The following DOCK1 variants were observed in gnomAD, a reference collection of about 807,000 sequenced individuals.
DOCK1 encodes the protein dedicator of cytokinesis 1.
A neutral mutation model predicts 262.7 loss-of-function variants in DOCK1; 138 were observed. The ratio of observed to expected loss-of-function variants is 0.53; its 90% CI spans 0.46 to 0.61. The LOEUF is 0.61. Ranked by LOEUF, DOCK1 falls within the 20% of genes least tolerant of loss-of-function variation. The pLI, the probability that DOCK1 is intolerant of heterozygous loss-of-function variation, is 0.00. For missense variants in DOCK1, 1,908 were observed against 2,370.7 expected (o/e 0.80, Z 4.05); for synonymous variants, 866 against 867.4 (o/e 1.00, Z 0.03).
At chr10:127,198,764 A>C (rs564743171) in intron 27 of DOCK1, among the ~76,000 whole-genome samples, 1 of 144,850 alleles carries the variant, frequency 6.9e-6, no homozygotes, top group South Asian at 2.3e-4. Flanking sequence ...TTTTTGAAGT[A>C]GGAAACCATT....
At chr10:127,000,386 T>C in intron 10 of DOCK1, 79 bp downstream of exon 10, 3 of 1,556,320 alleles carry the variant, frequency 1.9e-6, no homozygotes, top group South Asian at 1.2e-5. Context: ...TGAATGTTGA[T>C]TGGACAATGC....
At position 127,441,421 on chromosome 10, in the gene DOCK1, C is replaced by T. The variant is rs970461348; in HGVS notation, c.5259+2196C>T. ...GCATCTGGCCCAGTGTCAGCTTGAA[C>T]CTTCCAGCACCAGGAGGCGGAGAAT... On this transcript the variant is annotated intron_variant, in intron 49 of 51. Transcript: ENST00000623213. 2.6e-5 allele frequency among the ~76,000 whole-genome samples: 4 copies of T among 152,200 alleles called. No individual in the cohort carries two copies. In the East Asian group the frequency reaches 7.7e-4, roughly 29 times the overall value.
At chr10:127,248,783 G>A (rs1454174338) in intron 28 of DOCK1, among the ~76,000 whole-genome samples, 1 of 152,192 alleles carries the variant, frequency 6.6e-6, no homozygotes, top group African/African-American at 2.4e-5. Flanking sequence ...GTAAGGTCCT[G>A]TAGAACAGGG....
chr10:126,955,196 G>C (rs1308916807), intron 1 of DOCK1, among the ~76,000 whole-genome samples: 2 of 152,174 alleles, frequency 1.3e-5, no homozygotes, highest in African/African-American at 4.8e-5. Context: ...TGCATTCTCA[G>C]CTCACTGCAA....
rs367633839 is a variant in DOCK1, at chr10:127,354,631, C to G, written c.3225-38C>G. On this transcript the variant is annotated intron_variant, in intron 31 of 51. Transcript: ENST00000623213. ...TCCAGTCCGATTTTCAAATGCCTTC[C>G]GGAGTGATTCAGCGTTTTTCTTTTC... 73 of 1,612,418 alleles carry G rather than the reference C, an allele frequency of 4.5e-5. No homozygotes were observed. The South Asian group carries it at 5.9e-4, about 13-fold the overall frequency.
At chr10:127,382,741 C>G (rs752763720) in intron 37 of DOCK1, among the ~76,000 whole-genome samples, 1 of 152,236 alleles carries the variant, frequency 6.6e-6, no homozygotes, top group Non-Finnish European at 1.5e-5. Context: ...AAACTGCTCA[C>G]TCAACCCTTA....
intron 30 of DOCK1, among the ~76,000 whole-genome samples, chr10:127,339,910 C>T (rs1383756380): frequency 6.6e-6 from 1 of 152,216 alleles, no homozygotes; most frequent in East Asian, 1.9e-4. Context: ...CATGCAGATA[C>T]AAATGGCATG....
At chr10:127,187,379 C>T (rs1400297050) in intron 27 of DOCK1, among the ~76,000 whole-genome samples, 1 of 152,180 alleles carries the variant, frequency 6.6e-6, no homozygotes, top group South Asian at 2.1e-4. Flanking sequence ...AAATGATTCT[C>T]TGTGGACTTG....
At chr10:126,950,249 C>T (rs934516993) in intron 1 of DOCK1, among the ~76,000 whole-genome samples, 3 of 152,162 alleles carry the variant, frequency 2.0e-5, no homozygotes, top group Admixed American at 6.6e-5. Context: ...AATTCGAGTT[C>T]GCCACAGCTT....
At chr10:127,004,848 T>C (rs936966284) in intron 10 of DOCK1, among the ~76,000 whole-genome samples, 14 of 145,294 alleles carry the variant, frequency 9.6e-5, no homozygotes, top group Non-Finnish European at 1.9e-4. Context: ...ATCTCTACTT[T>C]AACCAAAATC....
intron 29 of DOCK1, among the ~76,000 whole-genome samples, chr10:127,283,770 A>T (rs1399116493): frequency 6.6e-6 from 1 of 152,182 alleles, no homozygotes. Flanking sequence ...ATAACTTGTC[A>T]GTACATTGTA....
chr10:126,959,959 G>A (rs938291294), intron 1 of DOCK1, among the ~76,000 whole-genome samples: 24 of 141,986 alleles, frequency 1.7e-4, no homozygotes, highest in Admixed American at 4.9e-4. Flanking sequence ...ACAGGCATGC[G>A]CCACCATGCC....
chr10:127,011,404 T>TC (rs2041431220), intron 11 of DOCK1, among the ~76,000 whole-genome samples: 1 of 152,220 alleles, frequency 6.6e-6, no homozygotes, highest in African/African-American at 2.4e-5. Flanking sequence ...AGTCTTCAGT[T>TC]CCCTCGAGTC....
chr10:127,003,203 A>T (rs1185016569), intron 10 of DOCK1, among the ~76,000 whole-genome samples: 4 of 122,414 alleles, frequency 3.3e-5, no homozygotes, highest in Non-Finnish European at 7.9e-5. Context: ...AACCTGCATG[A>T]ACCTGCGTGA....
chr10:127,332,172 TC>T (rs2063013173), intron 29 of DOCK1, among the ~76,000 whole-genome samples: 1 of 152,170 alleles, frequency 6.6e-6, no homozygotes, highest in Non-Finnish European at 1.5e-5. Flanking sequence ...CCCAGTAATC[TC>T]GGCTCATGGA....
Position 127,012,326 on chromosome 10 carries a change from G to C in DOCK1, c.1153G>C (p.Val385Leu), listed in dbSNP as rs2041520990. Residue 385 changes from valine (V) to leucine (L), a missense_variant, in exon 12 of 52, where the codon GTT (valine) becomes CTT (leucine). By Grantham distance (32) the Val-to-Leu change is conservative (BLOSUM62 1). This residue lies in a region of DOCK1 where 57 missense variants were observed against 39.7 expected (regional missense o/e 1.44). Coordinates refer to ENST00000623213, the MANE Select transcript of DOCK1 (RefSeq NM_001290223.2). The surrounding 1 kb of genome is among the most constrained non-coding windows in gnomAD (Gnocchi z 4.0). ...AGGGGAGAATGACTTCCTTCAGACT[G>C]TTATAAACAAAGTCATCGCTGCCAA... Reference protein sequence around the residue: ...VAGENDFLQTVINKVIAAKEV... With the variant: ...VAGENDFLQTLINKVIAAKEV... The C allele has an allele frequency of 1.2e-6, 2 of 1,614,028 alleles. No individual in the cohort carries two copies. The highest frequency in any genetic ancestry group is 1.7e-6 in the Non-Finnish European group (2 of 1,179,894).
intron 1 of DOCK1, among the ~76,000 whole-genome samples, chr10:126,945,436 G>A (rs2035318660): frequency 6.6e-6 from 1 of 151,764 alleles, no homozygotes. Flanking sequence ...GGGGGAGAGG[G>A]AAAGAGGGGA....
intron 19 of DOCK1, among the ~76,000 whole-genome samples, chr10:127,038,885 C>T (rs1591772925): frequency 6.6e-6 from 1 of 152,120 alleles, no homozygotes; most frequent in African/African-American, 2.4e-5. Flanking sequence ...CGTGAGGAAG[C>T]GAATTTCCAT....
intron 31 of DOCK1, among the ~76,000 whole-genome samples, chr10:127,346,679 G>A (rs1235562014): frequency 6.6e-6 from 1 of 152,228 alleles, no homozygotes; most frequent in Non-Finnish European, 1.5e-5. Flanking sequence ...CCCACGTAGT[G>A]GCGTGGATTC....
Sources: gnomAD v4.1 joint callset for allele counts (sites outside exome capture counted in the v4.1 genomes callset) on GRCh38, gnomAD v4.1.1 for gene constraint, gnomAD v4.1.1 regional missense constraint, Gnocchi (gnomAD v3.1) non-coding constraint, MANE v1.5 for transcripts, NCBI Gene and HGNC (gene_info 2026-07-23, HGNC 2026-07-21) for gene names.